The following TRAPPC9 variants were observed in gnomAD, a reference collection of about 807,000 sequenced individuals.
The protein encoded by TRAPPC9 is IKK2 binding protein.
TRAPPC9 carries 83 observed loss-of-function variants against 124.0 expected under a neutral mutation model. The observed-to-expected ratio is 0.67, with a 90% CI of 0.56 to 0.80. The LOEUF (loss-of-function observed/expected upper bound fraction) is 0.80, where lower values mean the gene tolerates loss of function less well. Among genes scored for constraint, TRAPPC9 ranks in the 30% least tolerant of loss-of-function variants. The pLI, the probability that TRAPPC9 is intolerant of heterozygous loss-of-function variation, is 0.00. For synonymous variants in TRAPPC9, 638 were observed against 617.5 expected (o/e 1.03, Z -0.49); for missense variants, 1,302 against 1,508.3 (o/e 0.86, Z 2.27).
At chr8:140,231,080 T>G (rs896204164) in intron 16 of TRAPPC9, among the ~76,000 whole-genome samples, 2 of 152,224 alleles carry the variant, frequency 1.3e-5, no homozygotes, top group African/African-American at 4.8e-5. Context: ...TCCAAATAGT[T>G]TGCCACAGTG....
At chr8:139,757,416 G>A (rs1418259545) in intron 21 of TRAPPC9, among the ~76,000 whole-genome samples, 1 of 148,016 alleles carries the variant, frequency 6.8e-6, no homozygotes, top group Non-Finnish European at 1.5e-5. Context: ...TTGGGGATGA[G>A]GACAGCAGGT....
intron 20 of TRAPPC9, among the ~76,000 whole-genome samples, chr8:139,891,970 T>C (rs2131158969): frequency 6.6e-6 from 1 of 152,314 alleles, no homozygotes; most frequent in South Asian, 2.1e-4. Flanking sequence ...AGAGGCTGCG[T>C]TCTCAGCCAC....
intron 21 of TRAPPC9, among the ~76,000 whole-genome samples, chr8:139,810,605 C>A (rs1283808093): frequency 6.6e-6 from 1 of 152,308 alleles, no homozygotes; most frequent in East Asian, 1.9e-4. Context: ...CAGGGATGAA[C>A]AGGACCTCGG....
intron 9 of TRAPPC9, among the ~76,000 whole-genome samples, chr8:140,329,472 G>A (rs907759581): frequency 3.3e-5 from 5 of 152,206 alleles, no homozygotes; most frequent in Non-Finnish European, 7.4e-5. Flanking sequence ...CGGTCTGGAA[G>A]TCAAGTGCTG....
chr8:140,121,494 A>G (rs1341289913), intron 17 of TRAPPC9, among the ~76,000 whole-genome samples: 1 of 152,228 alleles, frequency 6.6e-6, no homozygotes, highest in Non-Finnish European at 1.5e-5. Context: ...GCCAGGGCAG[A>G]AAGTGCTGCA....
chr8:140,148,262 C>T (rs1355641063), intron 17 of TRAPPC9, among the ~76,000 whole-genome samples: 2 of 152,168 alleles, frequency 1.3e-5, no homozygotes, highest in African/African-American at 4.8e-5. Context: ...TGCTCTCGGT[C>T]GTTATTCCAC....
chr8:140,249,817 C>G (rs1427360757), intron 16 of TRAPPC9, among the ~76,000 whole-genome samples: 1 of 151,924 alleles, frequency 6.6e-6, no homozygotes, highest in Admixed American at 6.6e-5. Context: ...ACCATGTTAG[C>G]CAGGATGGTC....
At chr8:140,196,766 T>G (rs1225302543) in intron 17 of TRAPPC9, among the ~76,000 whole-genome samples, 1 of 151,376 alleles carries the variant, frequency 6.6e-6, no homozygotes, top group Non-Finnish European at 1.5e-5. Context: ...CACTCAATGA[T>G]CCGCTATACA....
intron 19 of TRAPPC9, among the ~76,000 whole-genome samples, chr8:139,986,912 C>T (rs1172526154): frequency 1.3e-5 from 2 of 152,180 alleles, no homozygotes; most frequent in African/African-American, 4.8e-5. Flanking sequence ...GTTTTTCCAT[C>T]GTAAATTGGT....
intron 17 of TRAPPC9, among the ~76,000 whole-genome samples, chr8:140,122,048 T>TCTCC (rs1308415277): frequency 6.6e-6 from 1 of 151,586 alleles, no homozygotes; most frequent in Non-Finnish European, 1.5e-5. Flanking sequence ...TCTCTCTCTC[T>TCTCC]CTCCCTTTCT....
rs1433425085 is a variant in TRAPPC9, at chr8:139,907,538, AG to A, written c.2964+2608del. 3.5e-5 allele frequency among the ~76,000 whole-genome samples: 3 copies of A among 85,422 alleles called. No homozygotes were observed. Among genetic ancestry groups the A allele is most frequent in the Non-Finnish European group, 6.5e-5 (3 of 46,386 alleles). 56.0% of individuals were successfully genotyped at this position (85,422 alleles called of 152,430 possible). A position where few individuals can be genotyped will look rare whatever the true frequency, so the allele number is the denominator to read the frequency against. On this transcript the variant is annotated intron_variant, in intron 20 of 22. Coordinates refer to ENST00000438773, the MANE Select transcript of TRAPPC9 (RefSeq NM_001160372.4). This position sits in a 1 kb window ranked among gnomAD's most constrained non-coding sequence, Gnocchi z 4.7. ...AGGGAGAGGAGAGGGAGAAAGAGAA[AG>A]GGGGGGAGGAAGGGATGGAGGCAGA... is the stretch of plus-strand genomic sequence containing the variant.
At chr8:140,073,285 A>G (rs1162811736) in intron 17 of TRAPPC9, among the ~76,000 whole-genome samples, 1 of 152,240 alleles carries the variant, frequency 6.6e-6, no homozygotes, top group East Asian at 1.9e-4. Flanking sequence ...AGCTTTATTC[A>G]TAATAGTCAA....
rs1817716129 is a variant in TRAPPC9, at chr8:139,729,826, GC to G, written c.*1234del. 6.6e-6 allele frequency among the ~76,000 whole-genome samples: 1 copy of G among 152,102 alleles called. No homozygotes were observed. The highest frequency in any genetic ancestry group is 6.5e-5 in the Admixed American group (1 of 15,284). On this transcript the variant is annotated 3_prime_UTR_variant, in exon 23 of 23. Coordinates refer to ENST00000438773, the MANE Select transcript of TRAPPC9 (RefSeq NM_001160372.4). ...TGTTTGGCCAACTGGCCTTTAGGAA[GC>G]CCCGCTCTCTGTCCCCCAATACTCC...
At chr8:140,318,877 C>T (rs2066511098) in intron 9 of TRAPPC9, among the ~76,000 whole-genome samples, 1 of 152,144 alleles carries the variant, frequency 6.6e-6, no homozygotes, top group Non-Finnish European at 1.5e-5. Flanking sequence ...AAGAGTTGAC[C>T]GAGTCTTCCT....
intron 7 of TRAPPC9, among the ~76,000 whole-genome samples, chr8:140,393,779 C>A (rs2069004882): frequency 6.6e-6 from 1 of 152,210 alleles, no homozygotes; most frequent in Non-Finnish European, 1.5e-5. Flanking sequence ...GAACCAAAAG[C>A]TTGTTCTATT....
intron 5 of TRAPPC9, among the ~76,000 whole-genome samples, chr8:140,417,869 T>A (rs2069995395): frequency 1.3e-5 from 2 of 152,220 alleles, no homozygotes; most frequent in African/African-American, 4.8e-5. Flanking sequence ...CACCATGGAA[T>A]ACTATGCAGC....
chr8:139,886,920 A>G (rs1490247873), intron 20 of TRAPPC9, among the ~76,000 whole-genome samples: 1 of 152,230 alleles, frequency 6.6e-6, no homozygotes, highest in Non-Finnish European at 1.5e-5. Flanking sequence ...AGTCTGAGGT[A>G]GAATGGAGCA....
chr8:140,357,737 G>T (rs1317754491), intron 9 of TRAPPC9, among the ~76,000 whole-genome samples: 1 of 152,180 alleles, frequency 6.6e-6, no homozygotes, highest in Non-Finnish European at 1.5e-5. Context: ...CTCTGCCTCG[G>T]CCTGCTGCTC....
At chr8:140,143,458 T>C (rs1016822946) in intron 17 of TRAPPC9, among the ~76,000 whole-genome samples, 3 of 152,354 alleles carry the variant, frequency 2.0e-5, no homozygotes, top group African/African-American at 7.2e-5. Context: ...GTTTGGGATA[T>C]TTCATATATA....
Sources: gnomAD v4.1 joint callset for allele counts (sites outside exome capture counted in the v4.1 genomes callset) on GRCh38, gnomAD v4.1.1 for gene constraint, Gnocchi (gnomAD v3.1) non-coding constraint, MANE v1.5 for transcripts, NCBI Gene and HGNC (gene_info 2026-07-23, HGNC 2026-07-21) for gene names.